The following SORCS3 variants were observed in gnomAD, a reference collection of about 807,000 sequenced individuals.
The protein encoded by SORCS3 is VPS10 domain-containing receptor SorCS3.
SORCS3 carries 57 observed loss-of-function variants against 146.3 expected under a neutral mutation model. The ratio of observed to expected loss-of-function variants is 0.39; its 90% CI spans 0.31 to 0.49. The LOEUF is 0.49. Among genes scored for constraint, SORCS3 ranks in the 20% least tolerant of loss-of-function variants. The pLI is 0.92. For missense variants in SORCS3, 1,341 were observed against 1,575.5 expected (o/e 0.85, Z 2.52); for synonymous variants, 653 against 618.5 (o/e 1.06, Z -0.83).
intron 4 of SORCS3, among the ~76,000 whole-genome samples, chr10:105,006,757 C>G (rs529295284): frequency 6.6e-6 from 1 of 152,304 alleles, no homozygotes; most frequent in East Asian, 1.9e-4. Flanking sequence ...AGTTCTCACT[C>G]CAGGTTTCTG....
At chr10:104,996,202 A>G (rs1355466113) in intron 4 of SORCS3, among the ~76,000 whole-genome samples, 4 of 152,122 alleles carry the variant, frequency 2.6e-5, no homozygotes, top group African/African-American at 9.7e-5. Context: ...TTGAGAATCA[A>G]TTTGTTTATT....
chr10:104,676,293 A>G (rs2015912213), intron 1 of SORCS3, among the ~76,000 whole-genome samples: 1 of 152,208 alleles, frequency 6.6e-6, no homozygotes, highest in Non-Finnish European at 1.5e-5. Flanking sequence ...AGTTCAGGGG[A>G]AAAACATTCA....
chr10:105,077,782 A>T (rs553683412), intron 5 of SORCS3, among the ~76,000 whole-genome samples: 25 of 152,282 alleles, frequency 1.6e-4, no homozygotes, highest in Non-Finnish European at 3.2e-4. Flanking sequence ...GAATTCTTTG[A>T]TGCAGCTTGG....
chr10:104,914,096 G>A (rs1016254608), intron 2 of SORCS3, among the ~76,000 whole-genome samples: 11 of 152,128 alleles, frequency 7.2e-5, no homozygotes, highest in African/African-American at 2.7e-4. Context: ...AGGAACCTGA[G>A]GCTCCAGTGG....
rs1246451391 is a variant in SORCS3, at chr10:105,223,254, G to T, written c.2868+5G>T. 3.1e-6 allele frequency: 5 copies of T among 1,603,618 alleles called. No homozygotes were observed. The South Asian group carries it at 5.6e-5, about 18-fold the overall frequency. ...TGGTTCGGCAATAGCACAAAGGTTTGGCCCTTTCTGATTGATGTCAAATTA... is the reference window on the plus strand; with the variant it reads ...TGGTTCGGCAATAGCACAAAGGTTTTGCCCTTTCTGATTGATGTCAAATTA... On this transcript the variant is annotated splice_donor_5th_base_variant and intron_variant, in intron 20 of 26. Coordinates refer to ENST00000369701, the MANE Select transcript of SORCS3 (RefSeq NM_014978.3).
intron 5 of SORCS3, among the ~76,000 whole-genome samples, chr10:105,048,810 T>A (rs545465239): frequency 6.6e-6 from 1 of 152,254 alleles, no homozygotes; most frequent in Admixed American, 6.5e-5. Context: ...GCATATGTTC[T>A]TTTATATGTA....
chr10:104,684,820 T>G (rs2016025690), intron 1 of SORCS3, among the ~76,000 whole-genome samples: 2 of 55,938 alleles, frequency 3.6e-5, no homozygotes, highest in Admixed American at 4.7e-4. Flanking sequence ...TTTTTTTTTT[T>G]TTTTTTTTTT....
intron 1 of SORCS3, among the ~76,000 whole-genome samples, chr10:104,747,768 A>G (rs2016928280): frequency 6.6e-6 from 1 of 152,222 alleles, no homozygotes; most frequent in Non-Finnish European, 1.5e-5. Flanking sequence ...TCAGTAGAAA[A>G]TATGTAACAA....
chr10:104,948,764 C>G (rs146833862), intron 3 of SORCS3, among the ~76,000 whole-genome samples: 1 of 152,170 alleles, frequency 6.6e-6, no homozygotes, highest in Admixed American at 6.5e-5. Flanking sequence ...TCAAACAGGT[C>G]AGATTACTCC....
intron 1 of SORCS3, among the ~76,000 whole-genome samples, chr10:104,829,429 G>A (rs1008667350): frequency 3.3e-5 from 5 of 152,304 alleles, no homozygotes; most frequent in African/African-American, 1.2e-4. Context: ...CAGGAGAAGG[G>A]CTTTCAGAGG....
At chr10:104,835,336 A>C (rs893898724) in intron 1 of SORCS3, among the ~76,000 whole-genome samples, 5 of 152,180 alleles carry the variant, frequency 3.3e-5, no homozygotes, top group Non-Finnish European at 5.9e-5. Flanking sequence ...CCTGGTAAAG[A>C]AAGTCAGTGA....
rs185790626 is a variant in SORCS3, at chr10:105,255,115, G to C, written c.3238-587G>C. Among the ~76,000 whole-genome samples the C allele has an allele frequency of 5.3e-5, 8 of 151,564 alleles. No homozygotes were observed. The South Asian group carries it at 8.4e-4, about 16-fold the overall frequency. On this transcript the variant is annotated intron_variant, in intron 23 of 26. Transcript: ENST00000369701. ...AGGCAGGAGAATGGCGTGAACCCGG[G>C]GGGGCGGAGCCTGCGGTGAGCCGAG... is the stretch of plus-strand genomic sequence containing the variant.
chr10:104,754,876 A>G (rs1564676013), intron 1 of SORCS3, among the ~76,000 whole-genome samples: 1 of 152,230 alleles, frequency 6.6e-6, no homozygotes, highest in Non-Finnish European at 1.5e-5. Flanking sequence ...TTTGAACCCT[A>G]GAATTACACC....
At chr10:105,255,873 C>G in intron 24 of SORCS3, 72 bp downstream of exon 24, 1 of 1,220,970 alleles carries the variant, frequency 8.2e-7, no homozygotes, top group Non-Finnish European at 1.2e-6. Flanking sequence ...AGGAGAGAAT[C>G]ATGAAACCCT....
intron 8 of SORCS3, among the ~76,000 whole-genome samples, chr10:105,146,705 A>G (rs1375316083): frequency 6.6e-6 from 1 of 152,152 alleles, no homozygotes; most frequent in East Asian, 1.9e-4. Context: ...CTGCCATTTG[A>G]TAGCCATATA....
chr10:105,016,935 G>A (rs12251993), intron 4 of SORCS3, among the ~76,000 whole-genome samples: 46,146 of 151,974 alleles, frequency 0.3, 8,895 homozygotes, highest in African/African-American at 0.54. Flanking sequence ...CTGCCTGGGG[G>A]AAAGATGTAT....
intron 1 of SORCS3, among the ~76,000 whole-genome samples, chr10:104,740,128 G>A (rs2016823987): frequency 6.6e-6 from 1 of 152,164 alleles, no homozygotes; most frequent in African/African-American, 2.4e-5. Flanking sequence ...ATTTTGCAGT[G>A]CGTACTAACA....
At chr10:104,817,871 C>T (rs531254878) in intron 1 of SORCS3, among the ~76,000 whole-genome samples, 3 of 151,442 alleles carry the variant, frequency 2.0e-5, no homozygotes, top group South Asian at 2.1e-4. Context: ...ACTCAAAGTC[C>T]ACGTGCTTTC....
intron 4 of SORCS3, among the ~76,000 whole-genome samples, chr10:104,982,313 A>T (rs913112495): frequency 2.6e-5 from 4 of 152,222 alleles, no homozygotes; most frequent in Admixed American, 2.0e-4. Context: ...GACTTCTGGA[A>T]TGCTGGATCC....
Sources: gnomAD v4.1 joint callset for allele counts (sites outside exome capture counted in the v4.1 genomes callset) on GRCh38, gnomAD v4.1.1 for gene constraint, MANE v1.5 for transcripts, NCBI Gene and HGNC (gene_info 2026-07-23, HGNC 2026-07-21) for gene names.